Variants in SLC22A25 observed in about 807,000 individuals in gnomAD.
The protein encoded by SLC22A25 is solute carrier family 22 member 25.
SLC22A25 carries 44 observed loss-of-function variants against 45.9 expected under a neutral mutation model. The observed-to-expected ratio is 0.96, with a 90% confidence interval of 0.75 to 1.23. The LOEUF (loss-of-function observed/expected upper bound fraction) is 1.23, where lower values mean the gene tolerates loss of function less well. Ranked by LOEUF, SLC22A25 falls within the 50% of genes most tolerant of loss-of-function variation. The pLI is 0.00. For synonymous variants in SLC22A25, 283 were observed against 238.6 expected (o/e 1.19, Z -1.72); for missense variants, 800 against 666.4 (o/e 1.20, Z -2.21).
intron 7 of SLC22A25, among the ~76,000 whole-genome samples, chr11:63,199,911 C>G (rs1565096505): frequency 6.6e-6 from 1 of 152,042 alleles, no homozygotes; most frequent in South Asian, 2.1e-4. Context: ...TGCCTGCGTG[C>G]CAGACACCCA....
At position 63,160,175 on chromosome 11, in the gene SLC22A25, A is replaced by G. The variant is rs2087521698; in HGVS notation, c.*3649T>C. Among the ~76,000 whole-genome samples, 1 of 152,248 alleles carries G rather than the reference A, an allele frequency of 6.6e-6. No homozygotes were observed. Among genetic ancestry groups the G allele is most frequent in the Non-Finnish European group, 1.5e-5 (1 of 68,048 alleles). ...ATAAGTAATGAGGAACCAAAGGTTA[A>G]TCCCTAAGACAATGGGGAAAATGTC... On this transcript the variant is annotated 3_prime_UTR_variant, in exon 12 of 12. Transcript: ENST00000306494.
chr11:63,219,534 T>C (rs1565116049), intron 5 of SLC22A25, among the ~76,000 whole-genome samples: 1 of 152,214 alleles, frequency 6.6e-6, no homozygotes, highest in South Asian at 2.1e-4. Flanking sequence ...ATATCCTGCA[T>C]CTTATTTATT....
intron 7 of SLC22A25, among the ~76,000 whole-genome samples, chr11:63,195,640 C>G (rs1447830413): frequency 6.6e-6 from 1 of 152,036 alleles, no homozygotes; most frequent in African/African-American, 2.4e-5. Flanking sequence ...TAAATGCCCA[C>G]AAGAGAAAGC....
chr11:63,203,840 C>A (rs991940457), intron 7 of SLC22A25, among the ~76,000 whole-genome samples: 7 of 151,930 alleles, frequency 4.6e-5, no homozygotes, highest in Non-Finnish European at 7.4e-5. Context: ...AAGAGCAACC[C>A]CAAGACAGAT....
In SLC22A25 at chr11:63,162,273, T is replaced by C. The variant is rs1475948085; in HGVS notation, c.*1551A>G. On this transcript the variant is annotated 3_prime_UTR_variant, in exon 12 of 12. Coordinates refer to ENST00000306494, the MANE Select transcript of SLC22A25 (RefSeq NM_199352.6). ...TGTGCAGAAGTTTTTTAACTTGCTGTGATCCCATTTGTCCACATTTGCTTT... is the reference window on the plus strand; with the variant it reads ...TGTGCAGAAGTTTTTTAACTTGCTGCGATCCCATTTGTCCACATTTGCTTT... Among the ~76,000 whole-genome samples, 1 of 152,206 alleles carries C rather than the reference T, an allele frequency of 6.6e-6. No individual in the cohort carries two copies. Among genetic ancestry groups the C allele is most frequent in the Non-Finnish European group, 1.5e-5 (1 of 68,030 alleles).
At chr11:63,224,741 C>G (rs978049557) in intron 5 of SLC22A25, among the ~76,000 whole-genome samples, 3 of 152,158 alleles carry the variant, frequency 2.0e-5, no homozygotes, top group Non-Finnish European at 4.4e-5. Context: ...CATACTTTAC[C>G]TCGATCTCTC....
At chr11:63,173,745 T>C (rs1175196022) in intron 9 of SLC22A25, among the ~76,000 whole-genome samples, 11 of 152,182 alleles carry the variant, frequency 7.2e-5, no homozygotes, top group Non-Finnish European at 1.3e-4. Context: ...TCTCTGTGCA[T>C]GATTCTTTAT....
At chr11:63,165,359 A>G (rs368021745) in intron 10 of SLC22A25, among the ~76,000 whole-genome samples, 150 of 152,328 alleles carry the variant, frequency 9.8e-4, no homozygotes, top group African/African-American at 3.4e-3. Context: ...GTATTCTCTT[A>G]AGTACATTAC....
intron 7 of SLC22A25, among the ~76,000 whole-genome samples, chr11:63,191,724 C>T (rs2088823609): frequency 6.6e-6 from 1 of 152,158 alleles, no homozygotes; most frequent in South Asian, 2.1e-4. Flanking sequence ...GCAGAATAAA[C>T]TAAGAAGAAG....
chr11:63,180,811 G>A, intron 8 of SLC22A25, 36 bp from the exon 9 acceptor site: 1 of 1,487,084 alleles, frequency 6.7e-7, no homozygotes, highest in Non-Finnish European at 9.3e-7. Flanking sequence ...CTGTTCAGTT[G>A]TCACAAAATG....
At chr11:63,187,170 C>T (rs2088589239) in intron 7 of SLC22A25, among the ~76,000 whole-genome samples, 1 of 152,196 alleles carries the variant, frequency 6.6e-6, no homozygotes, top group South Asian at 2.1e-4. Context: ...AATCTTCCTA[C>T]CCATGAGCAT....
chr11:63,175,020 A>G (rs926158108), intron 9 of SLC22A25, among the ~76,000 whole-genome samples: 4 of 152,124 alleles, frequency 2.6e-5, no homozygotes, highest in Non-Finnish European at 5.9e-5. Context: ...TTACTTATCC[A>G]TATGTCAATG....
intron 8 of SLC22A25, among the ~76,000 whole-genome samples, chr11:63,182,943 T>G (rs2088381683): frequency 6.6e-6 from 1 of 152,120 alleles, no homozygotes; most frequent in African/African-American, 2.4e-5. Flanking sequence ...TTTAAACATG[T>G]CCATTAGTTC....
rs771012141 is a variant in SLC22A25, at chr11:63,158,837, G to C, written c.*4987C>G. The stretch of plus-strand genomic sequence containing the variant: ...CATCCTGTTGTGCTATCAAATAGTA[G>C]ATCTTATTCATTCTTTCCAACTTCC... On this transcript the variant is annotated 3_prime_UTR_variant, in exon 12 of 12. Coordinates refer to ENST00000306494, the MANE Select transcript of SLC22A25 (RefSeq NM_199352.6). 1.3e-5 allele frequency among the ~76,000 whole-genome samples: 2 copies of C among 152,102 alleles called. No homozygotes were observed. The highest frequency in any genetic ancestry group is 2.9e-5 in the Non-Finnish European group (2 of 68,008).
intron 7 of SLC22A25, among the ~76,000 whole-genome samples, chr11:63,197,980 A>G (rs1425669701): frequency 2.0e-5 from 3 of 152,272 alleles, no homozygotes; most frequent in Non-Finnish European, 4.4e-5. Flanking sequence ...AAAAATGCTC[A>G]TCATCACTGG....
chr11:63,207,496 C>T (rs1228779601), intron 7 of SLC22A25, among the ~76,000 whole-genome samples: 1 of 152,016 alleles, frequency 6.6e-6, no homozygotes, highest in Non-Finnish European at 1.5e-5. Context: ...TTTATGCAGC[C>T]AACAAACATA....
At chr11:63,165,720 C>T (rs10732886) in intron 10 of SLC22A25, among the ~76,000 whole-genome samples, 151,924 of 152,328 alleles carry the variant, frequency 1, 75,763 homozygotes, top group Middle Eastern at 1. Context: ...AGCACCTCAA[C>T]ACTTACTAAG....
chr11:63,165,524 C>A (rs1380352551), intron 10 of SLC22A25, among the ~76,000 whole-genome samples: 1 of 152,164 alleles, frequency 6.6e-6, no homozygotes, highest in Non-Finnish European at 1.5e-5. Flanking sequence ...AGATACGGGA[C>A]TTTTGTTTCT....
In SLC22A25 at chr11:63,231,387, T is replaced by C. The variant is rs554160802; in HGVS notation, c.-444-1291A>G. 7.9e-5 allele frequency among the ~76,000 whole-genome samples: 12 copies of C among 152,378 alleles called. No individual in the cohort carries two copies. In the East Asian group the frequency reaches 1.9e-3, roughly 24 times the overall value. On this transcript the variant is annotated intron_variant, in intron 3 of 11. Transcript: ENST00000306494. Reference sequence around the variant, plus strand: ...ATCTCATTGTGGGTTTGATTTGCATTTCTCTGATGGCCAGTGGTGATGAGC... The same window carrying C: ...ATCTCATTGTGGGTTTGATTTGCATCTCTCTGATGGCCAGTGGTGATGAGC...
Sources: gnomAD v4.1 joint callset for allele counts (sites outside exome capture counted in the v4.1 genomes callset) on GRCh38, gnomAD v4.1.1 for gene constraint, MANE v1.5 for transcripts, NCBI Gene and HGNC (gene_info 2026-07-23, HGNC 2026-07-21) for gene names.